The following PRKCE variants were observed in gnomAD, a reference collection of about 807,000 sequenced individuals.
PRKCE encodes the protein protein kinase C epsilon, also known as protein kinase C epsilon type.
PRKCE carries 16 observed loss-of-function variants against 85.4 expected under a neutral mutation model. The observed-to-expected ratio is 0.19, with a 90% CI of 0.13 to 0.28. PRKCE has a LOEUF of 0.28. PRKCE is among the 10% of genes least tolerant of loss of function. The probability of loss-of-function intolerance (pLI) is 1.00; values close to 1 mark genes in which losing one functional copy is unlikely to be tolerated. For missense variants in PRKCE, 573 were observed against 975.2 expected, an observed-to-expected ratio of 0.59 and a Z score of 5.49; for synonymous variants, 388 against 371.5, an observed-to-expected ratio of 1.04 and a Z score of -0.51.
intron 2 of PRKCE, among the ~76,000 whole-genome samples, chr2:45,928,040 T>C (rs757535574): frequency 2.0e-4 from 30 of 152,104 alleles, no homozygotes; most frequent in Non-Finnish European, 4.0e-4. Context: ...TCTTTTGGGC[T>C]CTAAGATAGT....
At chr2:45,671,476 A>T (rs1248687978) in intron 1 of PRKCE, among the ~76,000 whole-genome samples, 2 of 152,210 alleles carry the variant, frequency 1.3e-5, no homozygotes, top group Non-Finnish European at 2.9e-5. Flanking sequence ...TAATACCATT[A>T]TCCATTTATG....
intron 2 of PRKCE, among the ~76,000 whole-genome samples, chr2:45,884,762 G>T (rs1010589755): frequency 2.6e-5 from 4 of 151,494 alleles, no homozygotes; most frequent in Non-Finnish European, 4.4e-5. Context: ...ATACTTGCTC[G>T]TTGTAAAAAC....
chr2:45,764,192 C>T (rs990632932), intron 1 of PRKCE, among the ~76,000 whole-genome samples: 17 of 152,194 alleles, frequency 1.1e-4, no homozygotes, highest in African/African-American at 4.1e-4. Flanking sequence ...TCTTAAAACG[C>T]TAATTTCCTT....
chr2:45,840,755 T>A (rs967493828), intron 1 of PRKCE, among the ~76,000 whole-genome samples: 4 of 152,126 alleles, frequency 2.6e-5, no homozygotes, highest in African/African-American at 9.7e-5. Flanking sequence ...CAAGATGGGG[T>A]CAGGAGTGAC....
chr2:45,770,537 G>C (rs13405310), intron 1 of PRKCE, among the ~76,000 whole-genome samples: 28,337 of 152,094 alleles, frequency 0.19, 3,275 homozygotes, highest in Middle Eastern at 0.34. Context: ...TTGGTTGAGC[G>C]TCCTACCTTC....
chr2:45,769,164 G>A (rs1685125261), intron 1 of PRKCE, among the ~76,000 whole-genome samples: 1 of 152,170 alleles, frequency 6.6e-6, no homozygotes, highest in Non-Finnish European at 1.5e-5. Flanking sequence ...GGTTTGTTCT[G>A]TGTGGGAGCC....
intron 1 of PRKCE, among the ~76,000 whole-genome samples, chr2:45,781,369 A>G (rs1008337738): frequency 1.5e-4 from 23 of 151,660 alleles, no homozygotes; most frequent in African/African-American, 4.8e-4. Context: ...ACTACCTCTG[A>G]CTCCTGCTTA....
intron 13 of PRKCE, among the ~76,000 whole-genome samples, chr2:46,158,224 T>G (rs190080774): frequency 5.3e-5 from 8 of 152,194 alleles, no homozygotes; most frequent in Non-Finnish European, 4.4e-5. Context: ...GGAGGGAATG[T>G]GGGGAGGCTT....
At chr2:45,813,523 C>T (rs1310453864) in intron 1 of PRKCE, among the ~76,000 whole-genome samples, 1 of 152,170 alleles carries the variant, frequency 6.6e-6, no homozygotes, top group Non-Finnish European at 1.5e-5. Flanking sequence ...CCCTGGCAGA[C>T]ACCATGTGGG....
rs577103634 is a variant in PRKCE at position 45,671,725 on chromosome 2, A to G, written c.348+19277A>G. 2.1e-3 allele frequency among the ~76,000 whole-genome samples: 326 copies of G among 152,314 alleles called. 1 individual carries two copies. The highest frequency in any genetic ancestry group is 7.6e-3 in the African/African-American group (316 of 41,562). ...ATATTCATTAAATCTTCATTTCTAC[A>G]TAAAAATATAAGAGTTCAGAAGTTT... On this transcript the variant is annotated intron_variant, in intron 1 of 14. Transcript: ENST00000306156.
rs76209428 is a variant in PRKCE, at chr2:46,102,001, A to G, written c.1592+15639A>G. On this transcript the variant is annotated intron_variant, in intron 11 of 14. Transcript: ENST00000306156. ...TCACAAAATTCCTGAAATTTTAACA[A>G]TCTGCTCTTGTGAGCTGGTGTGAGC... is the stretch of plus-strand genomic sequence containing the variant. Among the ~76,000 whole-genome samples, 14 of 152,222 alleles carry G rather than the reference A, an allele frequency of 9.2e-5. No individual in the cohort carries two copies. The East Asian group carries it at 2.7e-3, about 29-fold the overall frequency.
At chr2:45,933,711 C>T (rs1178713734) in intron 2 of PRKCE, among the ~76,000 whole-genome samples, 1 of 151,922 alleles carries the variant, frequency 6.6e-6, no homozygotes, top group African/African-American at 2.4e-5. Context: ...CTCCTGACCT[C>T]GTGATCCGCC....
rs1678214589 is a variant in PRKCE at position 45,697,072 on chromosome 2, C to A, written c.348+44624C>A. 6.6e-6 allele frequency among the ~76,000 whole-genome samples: 1 copy of A among 152,208 alleles called. No homozygotes were observed. Reference sequence around the variant, plus strand: ...AACCTTTTTGTGACTACATTAATGTCCATGGTAATATTAAAGATTATCCCC... The same window carrying A: ...AACCTTTTTGTGACTACATTAATGTACATGGTAATATTAAAGATTATCCCC... On this transcript the variant is annotated intron_variant, in intron 1 of 14. Transcript: ENST00000306156. The surrounding 1 kb of genome is among the most constrained non-coding windows in gnomAD (Gnocchi z 4.2).
chr2:45,714,448 TG>T (rs947940328), intron 1 of PRKCE, among the ~76,000 whole-genome samples: 1 of 152,104 alleles, frequency 6.6e-6, no homozygotes, highest in East Asian at 1.9e-4. Flanking sequence ...GGCCATGAGG[TG>T]GGAAAAGAAC....
At chr2:45,994,112 T>C (rs1200593277) in intron 6 of PRKCE, among the ~76,000 whole-genome samples, 1 of 152,210 alleles carries the variant, frequency 6.6e-6, no homozygotes, top group African/African-American at 2.4e-5. Flanking sequence ...TTTTGGTTTT[T>C]AAACATTTTT....
chr2:45,918,075 C>T (rs563102600), intron 2 of PRKCE, among the ~76,000 whole-genome samples: 1 of 152,220 alleles, frequency 6.6e-6, no homozygotes, highest in Non-Finnish European at 1.5e-5. Flanking sequence ...CTCCCTGCAA[C>T]CTGAGGGAGC....
In PRKCE at chr2:46,061,569, C is replaced by G. The variant is rs556127748; in HGVS notation, c.1438-24639C>G. Among the ~76,000 whole-genome samples, 9 of 152,268 alleles carry G rather than the reference C, an allele frequency of 5.9e-5. No homozygotes were observed. The South Asian group carries it at 1.7e-3, about 28-fold the overall frequency. ...GGCTATTTTAGTAATAGAATCCTTC[C>G]TTAATATGAATCCTGCAGAGAAGCT... On this transcript the variant is annotated intron_variant, in intron 10 of 14. Transcript: ENST00000306156.
intron 1 of PRKCE, among the ~76,000 whole-genome samples, chr2:45,791,697 TA>T (rs1257201928): frequency 6.6e-6 from 1 of 152,220 alleles, no homozygotes; most frequent in East Asian, 1.9e-4. Context: ...GTACTTTCCT[TA>T]AAGACAGCCT....
chr2:45,954,459 A>G (rs1347789065), intron 2 of PRKCE, among the ~76,000 whole-genome samples: 2 of 152,240 alleles, frequency 1.3e-5, no homozygotes, highest in Non-Finnish European at 2.9e-5. Flanking sequence ...GAATAGGATG[A>G]CATCAGCCCA....
Sources: allele counts gnomAD v4.1 joint callset (sites outside exome capture counted in the v4.1 genomes callset), GRCh38; gene constraint gnomAD v4.1.1; non-coding constraint Gnocchi (gnomAD v3.1); transcripts MANE v1.5; gene names NCBI Gene and HGNC (gene_info 2026-07-23, HGNC 2026-07-21).